EDIL3: variants seen among roughly 807,000 people sequenced by gnomAD.
The protein encoded by EDIL3 is EGF like and discoidin domains 3.
A neutral mutation model predicts 67.4 loss-of-function variants in EDIL3; 37 were observed. That is an observed-to-expected ratio of 0.55 (90% CI 0.42 to 0.72). The LOEUF is 0.72. Among genes scored for constraint, EDIL3 ranks in the 30% least tolerant of loss-of-function variants. EDIL3 has a pLI of 0.00. For synonymous variants in EDIL3, 195 were observed against 196.3 expected (o/e 0.99, Z 0.05); for missense variants, 527 against 586.3 (o/e 0.90, Z 1.04).
At chr5:84,335,191 G>T (rs1266444116) in intron 1 of EDIL3, among the ~76,000 whole-genome samples, 5 of 152,124 alleles carry the variant, frequency 3.3e-5, no homozygotes, top group African/African-American at 1.2e-4. Flanking sequence ...TGTTCAAGAG[G>T]TTTAGTCTGA....
At chr5:84,287,443 T>A (rs920906618) in intron 1 of EDIL3, among the ~76,000 whole-genome samples, 2 of 152,298 alleles carry the variant, frequency 1.3e-5, no homozygotes, top group East Asian at 3.9e-4. Flanking sequence ...AGATTCTGAA[T>A]AATTTGCAAT....
intron 9 of EDIL3, among the ~76,000 whole-genome samples, chr5:84,056,449 A>C (rs1263545750): frequency 6.6e-6 from 1 of 152,156 alleles, no homozygotes; most frequent in Non-Finnish European, 1.5e-5. Flanking sequence ...GTGCACATGT[A>C]TCCTAGAACT....
At chr5:84,276,999 T>A (rs543562361) in intron 1 of EDIL3, among the ~76,000 whole-genome samples, 84 of 152,360 alleles carry the variant, frequency 5.5e-4, no homozygotes, top group African/African-American at 1.9e-3. Context: ...ATATTACGCA[T>A]AATAATCACT....
chr5:83,941,992 G>A lies in EDIL3; in HGVS notation c.*1427C>T, dbSNP rs545463538. On this transcript the variant is annotated 3_prime_UTR_variant, in exon 11 of 11. Coordinates refer to ENST00000296591, the MANE Select transcript of EDIL3 (RefSeq NM_005711.5). ...TAAAGGAAAAAAATAGCAGTGTTGCGTAGGATCTTAACATTTCATACACAT... is the reference window on the plus strand; with the variant it reads ...TAAAGGAAAAAAATAGCAGTGTTGCATAGGATCTTAACATTTCATACACAT... 10 of 152,042 alleles carry A rather than the reference G, an allele frequency of 6.6e-5. No homozygotes were observed. In the East Asian group the frequency reaches 1.4e-3, roughly 21 times the overall value. The allele number at this position is 152,042 out of a possible 1,614,324, so 9.4% of individuals were successfully genotyped here.
At chr5:84,111,127 G>T (rs988769379) in intron 5 of EDIL3, among the ~76,000 whole-genome samples, 1 of 152,112 alleles carries the variant, frequency 6.6e-6, no homozygotes, top group Non-Finnish European at 1.5e-5. Flanking sequence ...AGGAAGACAT[G>T]CTTGCTTCCC....
At position 84,384,111 on chromosome 5, in the gene EDIL3, C is replaced by T. The variant is rs144881172; in HGVS notation, c.67+197G>A. Among the ~76,000 whole-genome samples, 144 of 152,248 alleles carry T rather than the reference C, an allele frequency of 9.5e-4. 1 individual carries two copies. The highest frequency in any genetic ancestry group is 3.2e-3 in the African/African-American group (133 of 41,554). On this transcript the variant is annotated intron_variant, in intron 1 of 10. Coordinates refer to ENST00000296591, the MANE Select transcript of EDIL3 (RefSeq NM_005711.5). Reference sequence around the variant, plus strand: ...CCCCGGTACCCCGCACCCTTCTCCCCGCTCGGCCCCGCGCACTCTGCTCAG... The same window carrying T: ...CCCCGGTACCCCGCACCCTTCTCCCTGCTCGGCCCCGCGCACTCTGCTCAG...
At chr5:84,155,243 A>G (rs1038775882) in intron 4 of EDIL3, among the ~76,000 whole-genome samples, 5 of 152,216 alleles carry the variant, frequency 3.3e-5, no homozygotes, top group Non-Finnish European at 7.3e-5. Flanking sequence ...GGCTAGTCAT[A>G]GAAGTCTAAG....
At chr5:84,183,999 C>T (rs190917819) in intron 3 of EDIL3, among the ~76,000 whole-genome samples, 75 of 152,168 alleles carry the variant, frequency 4.9e-4, no homozygotes, top group Admixed American at 3.3e-3. Flanking sequence ...CCAGCTACTT[C>T]GGAGGCTGAG....
intron 2 of EDIL3, among the ~76,000 whole-genome samples, chr5:84,239,214 T>C (rs1744745055): frequency 6.6e-6 from 1 of 152,234 alleles, no homozygotes. Context: ...CATATTATGG[T>C]ATATACACCC....
intron 9 of EDIL3, among the ~76,000 whole-genome samples, chr5:84,054,403 C>T (rs1000584848): frequency 6.6e-5 from 10 of 152,142 alleles, no homozygotes; most frequent in Non-Finnish European, 1.3e-4. Flanking sequence ...TGCCACAAGA[C>T]AGGGATGCCC....
chr5:84,229,948 G>C (rs1744536644), intron 2 of EDIL3, 64 bp from the exon 3 acceptor site: 8 of 1,346,282 alleles, frequency 5.9e-6, no homozygotes, highest in African/African-American at 1.5e-5. Context: ...GAAGGGGGGA[G>C]AGAGAAAGAA....
At chr5:84,355,122 A>C (rs1348587781) in intron 1 of EDIL3, among the ~76,000 whole-genome samples, 1 of 152,168 alleles carries the variant, frequency 6.6e-6, no homozygotes, top group African/African-American at 2.4e-5. Context: ...AGGTACACCA[A>C]TCAAACGTAA....
At chr5:84,204,450 T>C (rs1450368231) in intron 3 of EDIL3, among the ~76,000 whole-genome samples, 5 of 152,246 alleles carry the variant, frequency 3.3e-5, no homozygotes, top group Admixed American at 2.6e-4. Context: ...ATTAACATTT[T>C]ATAATATAGT....
intron 9 of EDIL3, among the ~76,000 whole-genome samples, chr5:84,004,533 A>C (rs1745381394): frequency 6.6e-6 from 1 of 152,150 alleles, no homozygotes; most frequent in Non-Finnish European, 1.5e-5. Context: ...TATGAAGAAT[A>C]TCTCTTAAAA....
At chr5:84,371,341 A>ATATATATATGTGTG (rs1008172581) in intron 1 of EDIL3, among the ~76,000 whole-genome samples, 4 of 129,688 alleles carry the variant, frequency 3.1e-5, no homozygotes, top group African/African-American at 1.1e-4. Context: ...ATATATATAT[A>ATATATATATGTGTG]TGTGTGTGTG....
intron 4 of EDIL3, among the ~76,000 whole-genome samples, chr5:84,147,929 T>G (rs1212685682): frequency 6.6e-6 from 1 of 152,070 alleles, no homozygotes; most frequent in Non-Finnish European, 1.5e-5. Flanking sequence ...GATAATAAAA[T>G]TAAGAATACT....
At chr5:84,094,514 G>GAA (rs150974770) in intron 6 of EDIL3, among the ~76,000 whole-genome samples, 2 of 148,898 alleles carry the variant, frequency 1.3e-5, no homozygotes, top group African/African-American at 4.9e-5. Flanking sequence ...GGCTGAAAAT[G>GAA]AAAAAAAAAA....
intron 1 of EDIL3, among the ~76,000 whole-genome samples, chr5:84,290,335 T>G (rs1054299469): frequency 6.6e-6 from 1 of 152,158 alleles, no homozygotes; most frequent in South Asian, 2.1e-4. Flanking sequence ...GTCTTCCCAG[T>G]GCTGCTGCCC....
chr5:84,264,203 G>T (rs568848616), intron 1 of EDIL3, among the ~76,000 whole-genome samples: 2 of 152,262 alleles, frequency 1.3e-5, no homozygotes, highest in East Asian at 3.9e-4. Context: ...CCGAGACTGT[G>T]CATCTGCACT....
Sources: gnomAD v4.1 joint callset for allele counts (sites outside exome capture counted in the v4.1 genomes callset) on GRCh38, gnomAD v4.1.1 for gene constraint, MANE v1.5 for transcripts, NCBI Gene and HGNC (gene_info 2026-07-23, HGNC 2026-07-21) for gene names.